SLC4A5: variants seen among roughly 807,000 people sequenced by gnomAD.
The protein encoded by SLC4A5 is solute carrier family 4 member 5, also known as electrogenic sodium bicarbonate cotransporter 4.
A neutral mutation model predicts 120.4 loss-of-function variants in SLC4A5; 96 were observed. That is an observed-to-expected ratio of 0.80 (90% CI 0.68 to 0.94). The LOEUF is 0.94. SLC4A5 is among the 40% of genes least tolerant of loss of function. The pLI is 0.00. For missense variants in SLC4A5, 1,259 were observed against 1,459.5 expected (o/e 0.86, Z 2.24); for synonymous variants, 550 against 571.1 (o/e 0.96, Z 0.53).
chr2:74,270,072 T>G (rs1671425461), intron 8 of SLC4A5, among the ~76,000 whole-genome samples: 1 of 152,196 alleles, frequency 6.6e-6, no homozygotes, highest in African/African-American at 2.4e-5. Context: ...TGTCTCCAAT[T>G]TTAAGCCAAT....
At chr2:74,313,904 G>C (rs949553821) in intron 6 of SLC4A5, among the ~76,000 whole-genome samples, 1 of 152,144 alleles carries the variant, frequency 6.6e-6, no homozygotes, top group Non-Finnish European at 1.5e-5. Flanking sequence ...GCTGCCCTAG[G>C]TGCTCCCTGG....
intron 26 of SLC4A5, chr2:74,227,476 G>T: frequency 6.3e-7 from 1 of 1,590,308 alleles, no homozygotes; most frequent in East Asian, 2.3e-5. Context: ...CTTCTGCATA[G>T]CTGCCTTAGG....
intron 8 of SLC4A5, among the ~76,000 whole-genome samples, chr2:74,266,661 A>G (rs1007909382): frequency 1.3e-5 from 2 of 152,222 alleles, no homozygotes; most frequent in Non-Finnish European, 2.9e-5. Context: ...ACACAATACT[A>G]AATTCTTCAT....
rs1671362647 is a variant in SLC4A5 at position 74,268,116 on chromosome 2, A to T, written c.402-2852T>A. Among the ~76,000 whole-genome samples, 4 of 152,154 alleles carry T rather than the reference A, an allele frequency of 2.6e-5. 1 individual carries two copies. In the South Asian group the frequency reaches 8.3e-4, roughly 32 times the overall value. On this transcript the variant is annotated intron_variant, in intron 8 of 30. Coordinates refer to ENST00000394019, the Ensembl canonical transcript of SLC4A5. ...ATCTCTCATCACCTTTGATTTCTTC[A>T]GTAATAATAATAATGTACAGCAATT...
chr2:74,253,171 T>A (rs1670848621), intron 14 of SLC4A5, 43 bp from the exon 15 acceptor site: 1 of 1,611,166 alleles, frequency 6.2e-7, no homozygotes, highest in South Asian at 1.1e-5. Context: ...TCGGGTCTGT[T>A]TCTGAAATGC....
rs550784884 is a variant in SLC4A5, at chr2:74,252,946, T to C, written c.1268+28A>G. 4.3e-6 allele frequency: 7 copies of C among 1,613,314 alleles called. No individual in the cohort carries two copies. The Admixed American group carries it at 1.2e-4, about 27-fold the overall frequency. On this transcript the variant is annotated intron_variant, in intron 15 of 30. Transcript: ENST00000394019. The stretch of plus-strand genomic sequence containing the variant: ...CGACAGAGTTGAAGCCTCCTTTTTC[T>C]CTCCCTACTGCCCATTCTCATACAC...
chr2:74,246,495 G>C (rs77556862), intron 19 of SLC4A5, among the ~76,000 whole-genome samples: 2,949 of 152,266 alleles, frequency 0.019, 93 homozygotes, highest in African/African-American at 0.068. Flanking sequence ...ATATTCATAA[G>C]AGGCTGAATA....
intron 14 of SLC4A5, among the ~76,000 whole-genome samples, 162 bp downstream of exon 14, chr2:74,254,457 C>T (rs572168420): frequency 6.6e-5 from 10 of 152,336 alleles, no homozygotes; most frequent in Non-Finnish European, 1.2e-4. Flanking sequence ...TCCTAAAGGA[C>T]AATGACTATT....
intron 6 of SLC4A5, among the ~76,000 whole-genome samples, chr2:74,312,861 A>T (rs1672850329): frequency 6.6e-6 from 1 of 152,110 alleles, no homozygotes; most frequent in Non-Finnish European, 1.5e-5. Context: ...TGAACCTGGG[A>T]GGCAGAGGTT....
intron 19 of SLC4A5, among the ~76,000 whole-genome samples, chr2:74,242,660 G>C (rs557067403): frequency 6.6e-6 from 1 of 152,152 alleles, no homozygotes; most frequent in East Asian, 1.9e-4. Flanking sequence ...CACCTCCACA[G>C]ATACGTCCCT....
chr2:74,228,607 G>A (rs1402880327), intron 25 of SLC4A5, among the ~76,000 whole-genome samples: 1 of 151,960 alleles, frequency 6.6e-6, no homozygotes, highest in East Asian at 1.9e-4. Flanking sequence ...TCCAGCCTGG[G>A]CGAAAGAGAC....
chr2:74,301,017 G>C (rs1489674853), intron 7 of SLC4A5, among the ~76,000 whole-genome samples: 1 of 152,108 alleles, frequency 6.6e-6, no homozygotes, highest in African/African-American at 2.4e-5. Flanking sequence ...AGGTACACTG[G>C]AACTTAATAG....
At chr2:74,259,626 T>C in exon 12 of SLC4A5, 1 of 1,614,218 alleles carries the variant, frequency 6.2e-7, no homozygotes, top group Admixed American at 1.7e-5. Flanking sequence ...TCATTCATGC[T>C]TCTGCTCTGG....
exon 11 of SLC4A5, chr2:74,262,139 A>C: frequency 6.2e-7 from 1 of 1,613,452 alleles, no homozygotes; most frequent in Non-Finnish European, 8.5e-7. Context: ...ACACTCACAC[A>C]GACGTCCGTA....
At chr2:74,225,244 G>T (rs115649713) in intron 27 of SLC4A5, among the ~76,000 whole-genome samples, 2,389 of 152,298 alleles carry the variant, frequency 0.016, 31 homozygotes, top group South Asian at 0.038. Flanking sequence ...GCCTGTGACA[G>T]CCGAAGTGGG....
At chr2:74,225,842 T>TG (rs1694824658) in intron 27 of SLC4A5, among the ~76,000 whole-genome samples, 1 of 152,148 alleles carries the variant, frequency 6.6e-6, no homozygotes, top group African/African-American at 2.4e-5. Flanking sequence ...GTGTGGGTCT[T>TG]GCCCTGCCCT....
At chr2:74,298,669 T>C (rs928431664) in intron 7 of SLC4A5, among the ~76,000 whole-genome samples, 7 of 152,170 alleles carry the variant, frequency 4.6e-5, no homozygotes, top group Non-Finnish European at 1.0e-4. Flanking sequence ...TTGCAAGCCA[T>C]ATATCTGATA....
chr2:74,252,874 C>T, intron 15 of SLC4A5, 100 bp downstream of exon 15: 1 of 1,401,258 alleles, frequency 7.1e-7, no homozygotes, highest in Admixed American at 1.8e-5. Context: ...AGGCATGAGC[C>T]ACTATGCTGA....
intron 5 of SLC4A5, among the ~76,000 whole-genome samples, chr2:74,322,832 A>G (rs1573103565): frequency 6.6e-6 from 1 of 152,312 alleles, no homozygotes; most frequent in South Asian, 2.1e-4. Flanking sequence ...AACAGTGACT[A>G]TGAAGAAAAG....
Sources: allele counts gnomAD v4.1 joint callset (sites outside exome capture counted in the v4.1 genomes callset), GRCh38; gene constraint gnomAD v4.1.1; transcripts MANE v1.5; gene names NCBI Gene and HGNC (gene_info 2026-07-23, HGNC 2026-07-21).